The following DPP4 variants were observed in gnomAD, a reference collection of about 807,000 sequenced individuals.
DPP4 encodes ADCP-2.
DPP4 carries 93 observed loss-of-function variants against 122.4 expected under a neutral mutation model. That is an observed-to-expected ratio of 0.76 (90% CI 0.64 to 0.90). The LOEUF (loss-of-function observed/expected upper bound fraction) is 0.90, where lower values mean the gene tolerates loss of function less well. DPP4 is among the 40% of genes least tolerant of loss of function. DPP4 has a pLI of 0.00. For missense variants in DPP4, 914 were observed against 907.3 expected, an observed-to-expected ratio of 1.01 and a Z score of -0.09; for synonymous variants, 321 against 302.9, an observed-to-expected ratio of 1.06 and a Z score of -0.62.
chr2:162,050,851 C>T (rs887391609), intron 2 of DPP4, among the ~76,000 whole-genome samples: 3 of 152,332 alleles, frequency 2.0e-5, no homozygotes, highest in South Asian at 2.1e-4. Flanking sequence ...GAGACATGCT[C>T]ATGATTCGTC....
At chr2:162,015,536 G>C (rs1016852516) in intron 18 of DPP4, among the ~76,000 whole-genome samples, 5 of 152,116 alleles carry the variant, frequency 3.3e-5, no homozygotes, top group African/African-American at 1.2e-4. Flanking sequence ...TTGATGGGAA[G>C]GTGTTTTAGT....
chr2:162,066,258 T>G (rs546034162), intron 2 of DPP4, among the ~76,000 whole-genome samples: 1 of 152,120 alleles, frequency 6.6e-6, no homozygotes, highest in African/African-American at 2.4e-5. Context: ...TTCTTTTTTT[T>G]TTTTAAACTT....
chr2:162,022,615 G>A (rs987204656), intron 12 of DPP4, 140 bp downstream of exon 12: 1 of 757,420 alleles, frequency 1.3e-6, no homozygotes, highest in Non-Finnish European at 2.3e-6. Flanking sequence ...TTTATAGGGA[G>A]CATTTACATA....
In DPP4 at chr2:162,019,217, TCTTA is replaced by T. The variant is rs768461925; in HGVS notation, c.1298+2_1298+5del. 3.6e-5 allele frequency: 58 copies of T among 1,595,818 alleles called. No homozygotes were observed. Among genetic ancestry groups the T allele is most frequent in the South Asian group, 6.7e-5 (6 of 89,176 alleles). On this transcript the variant is annotated splice_donor_variant and splice_donor_5th_base_variant and intron_variant, in intron 15 of 25. Transcript: ENST00000360534. LOFTEE classifies it high-confidence loss of function. Reference sequence around the variant, plus strand: ...ACTCAAGTCAACAACTTGACAGAGCTCTTACTTATAAAGATTCCTTCCTCCTGGC... The same window carrying T: ...ACTCAAGTCAACAACTTGACAGAGCTCTTATAAAGATTCCTTCCTCCTGGC...
In DPP4 at chr2:162,032,054, C is replaced by G. The variant is rs1416884004; in HGVS notation, c.887+1487G>C. The G allele has an allele frequency of 3.3e-5, 5 of 152,210 alleles. 1 individual carries two copies. The East Asian group carries it at 9.6e-4, about 29-fold the overall frequency. 9.4% of individuals were successfully genotyped at this position (152,210 alleles called of 1,614,324 possible). A position where few individuals can be genotyped will look rare whatever the true frequency, so the allele number is the denominator to read the frequency against. ...ACTAACCACGGAGCACAGCCCACAG[C>G]CTTCCTGATGTACTTAATGCAACTC... On this transcript the variant is annotated intron_variant, in intron 10 of 25. Transcript: ENST00000360534.
At chr2:162,023,401 C>T (rs749724445) in intron 11 of DPP4, among the ~76,000 whole-genome samples, 18 of 152,158 alleles carry the variant, frequency 1.2e-4, no homozygotes, top group Non-Finnish European at 2.5e-4. Context: ...CCATTTCTTA[C>T]GAGATAAGTC....
In DPP4 at chr2:162,011,903, T is replaced by C. The variant is rs761446242; in HGVS notation, c.1722A>G (p.Ile574Met). The C allele has an allele frequency of 6.2e-6, 10 of 1,613,736 alleles. No individual in the cohort carries two copies. The highest frequency in any genetic ancestry group is 8.5e-6 in the Non-Finnish European group (10 of 1,179,790). Residue 574 changes from isoleucine (I) to methionine (M), a missense_variant, in exon 20 of 26, where the codon ATA becomes ATG. Ile to Met is a conservative substitution (Grantham distance 10). Transcript: ENST00000360534. The stretch of plus-strand genomic sequence containing the variant: ...TTCCTCTGCCATCAAAGCTAGCTAC[T>C]ATAATGTTTTCTGTGCTTGCAAGGT... ...ATYLASTENI[I>M]VASFDGRGSG...
Position 162,070,988 on chromosome 2 carries a change from C to T in DPP4, c.94+2411G>A, listed in dbSNP as rs145885917. Among the ~76,000 whole-genome samples the T allele has an allele frequency of 1.7e-3, 260 of 152,286 alleles. 1 individual carries two copies. Among genetic ancestry groups the T allele is most frequent in the African/African-American group, 6.0e-3 (251 of 41,566 alleles). ...GTTTAACCGGTTACCGAAGTCCAGT[C>T]ATTCACATTTCTGAGTAGCTCTGGA... On this transcript the variant is annotated intron_variant, in intron 2 of 25. Transcript: ENST00000360534.
intron 20 of DPP4, among the ~76,000 whole-genome samples, chr2:162,011,444 GT>G (rs1398012539): frequency 6.6e-6 from 1 of 152,082 alleles, no homozygotes; most frequent in Non-Finnish European, 1.5e-5. Context: ...GGCTTGGCTT[GT>G]TTAGTCAGAT....
chr2:162,016,985 G>A, intron 17 of DPP4, 119 bp from the exon 18 acceptor site: 1 of 1,405,658 alleles, frequency 7.1e-7, no homozygotes, highest in Non-Finnish European at 9.8e-7. Flanking sequence ...CAGGTTATAA[G>A]GCTTGTGTTC....
chr2:162,003,236 T>A (rs925180821), intron 23 of DPP4, among the ~76,000 whole-genome samples: 1 of 152,072 alleles, frequency 6.6e-6, no homozygotes, highest in Non-Finnish European at 1.5e-5. Flanking sequence ...TCTATTTACA[T>A]GACTATCTCA....
intron 8 of DPP4, among the ~76,000 whole-genome samples, chr2:162,037,662 T>G (rs576482318): frequency 1.3e-5 from 2 of 152,252 alleles, no homozygotes; most frequent in African/African-American, 4.8e-5. Flanking sequence ...ACACAAAAAA[T>G]GTTTTTCTAA....
chr2:161,993,132 T>C lies in DPP4; in HGVS notation c.*151A>G. 1 of 596,438 alleles carries C rather than the reference T, an allele frequency of 1.7e-6. No individual in the cohort carries two copies. The allele number at this position is 596,438 out of a possible 1,614,324, so 36.9% of individuals were successfully genotyped here. On this transcript the variant is annotated 3_prime_UTR_variant, in exon 26 of 26. Transcript: ENST00000360534. Reference sequence around the variant, plus strand: ...AGACAGAAGTCCCTACTTAAGATGATAGGTATGAAATTTGGGAACAAAGGT... The same window carrying C: ...AGACAGAAGTCCCTACTTAAGATGACAGGTATGAAATTTGGGAACAAAGGT...
chr2:161,994,976 C>T lies in DPP4; in HGVS notation c.2184G>A (p.Val728=). ...TTTTCTATACCATTGCCTGGAAATCCACTCCAACATCGACCAGGGCTTTGG... is the reference window on the plus strand; with the variant it reads ...TTTTCTATACCATTGCCTGGAAATCTACTCCAACATCGACCAGGGCTTTGG... The part of the protein sequence containing the change: ...QISKALVDVG[V]DFQAMWYTDE... Residue 728 remains valine, a synonymous_variant, in exon 25 of 26, where the codon GTG becomes GTA. Coordinates refer to ENST00000360534, the MANE Select transcript of DPP4 (RefSeq NM_001935.4). The T allele has an allele frequency of 1.2e-6, 2 of 1,614,030 alleles. No homozygotes were observed. The highest frequency in any genetic ancestry group is 1.7e-6 in the Non-Finnish European group (2 of 1,179,956).
At chr2:162,015,040 A>T (rs1412123378) in intron 18 of DPP4, among the ~76,000 whole-genome samples, 1 of 152,222 alleles carries the variant, frequency 6.6e-6, no homozygotes, top group African/African-American at 2.4e-5. Flanking sequence ...ATGATCTCCC[A>T]CGGGTCTGTC....
chr2:162,005,928 A>C (rs1457863702), intron 22 of DPP4, 119 bp from the exon 23 acceptor site: 4 of 809,972 alleles, frequency 4.9e-6, no homozygotes, highest in African/African-American at 1.7e-5. Context: ...ATATAGAGTT[A>C]CTCTCAGAAG....
At chr2:162,028,598 A>T (rs552705720) in intron 10 of DPP4, among the ~76,000 whole-genome samples, 1 of 152,278 alleles carries the variant, frequency 6.6e-6, no homozygotes, top group South Asian at 2.1e-4. Context: ...TGGACAACTT[A>T]CCCAGGTTAG....
intron 23 of DPP4, 122 bp downstream of exon 23, chr2:162,005,623 T>A (rs972718734): frequency 2.3e-6 from 2 of 860,040 alleles, no homozygotes; most frequent in African/African-American, 3.4e-5. Flanking sequence ...CCTGTGTTAT[T>A]TCTTTTAACA....
chr2:161,994,001 T>C (rs1700930772), intron 25 of DPP4, among the ~76,000 whole-genome samples: 1 of 152,230 alleles, frequency 6.6e-6, no homozygotes, highest in African/African-American at 2.4e-5. Flanking sequence ...AAGAAATCTG[T>C]GTATTTGACA....
Sources: gnomAD v4.1 joint callset for allele counts (sites outside exome capture counted in the v4.1 genomes callset) on GRCh38, gnomAD v4.1.1 for gene constraint, MANE v1.5 for transcripts, NCBI Gene and HGNC (gene_info 2026-07-23, HGNC 2026-07-21) for gene names.